Variants in VTI1A observed in about 807,000 individuals in gnomAD.
VTI1A encodes vesicle transport through interaction with t-SNAREs 1A.
VTI1A carries 22 observed loss-of-function variants against 34.9 expected under a neutral mutation model. That is an observed-to-expected ratio of 0.63 (90% CI 0.45 to 0.90). VTI1A has a LOEUF of 0.90. Among genes scored for constraint, VTI1A ranks in the 40% least tolerant of loss-of-function variants. The pLI, the probability that VTI1A is intolerant of heterozygous loss-of-function variation, is 0.00. For missense variants in VTI1A, 268 were observed against 275.6 expected, an observed-to-expected ratio of 0.97 and a Z score of 0.20; for synonymous variants, 87 against 97.3, an observed-to-expected ratio of 0.89 and a Z score of 0.62.
At chr10:112,492,224 A>G (rs1301466506) in intron 3 of VTI1A, among the ~76,000 whole-genome samples, 4 of 152,194 alleles carry the variant, frequency 2.6e-5, no homozygotes, top group Non-Finnish European at 5.9e-5. Context: ...TCTTTAGATC[A>G]GTCCCAAAAT....
intron 5 of VTI1A, among the ~76,000 whole-genome samples, chr10:112,647,899 A>G (rs1038281559): frequency 6.6e-6 from 1 of 152,044 alleles, no homozygotes; most frequent in African/African-American, 2.4e-5. Context: ...CCTCCTAAGT[A>G]GCTGGGACTA....
chr10:112,586,988 T>C (rs1398054573), intron 5 of VTI1A, among the ~76,000 whole-genome samples: 2 of 152,202 alleles, frequency 1.3e-5, no homozygotes, highest in Non-Finnish European at 2.9e-5. Flanking sequence ...TATTCATTTA[T>C]ATATGTAAGT....
chr10:112,496,704 G>A (rs73363096), intron 3 of VTI1A, among the ~76,000 whole-genome samples: 254 of 152,300 alleles, frequency 1.7e-3, no homozygotes, highest in African/African-American at 6.0e-3. Flanking sequence ...TAATGTAGAT[G>A]GTGACAATGG....
At position 112,447,228 on chromosome 10, in the gene VTI1A, G is replaced by A. The variant is rs1273707984; in HGVS notation, c.-146G>A. The A allele has an allele frequency of 2.8e-6, 2 of 721,678 alleles. No homozygotes were observed. Among genetic ancestry groups the A allele is most frequent in the Non-Finnish European group, 4.3e-6 (2 of 463,980 alleles). The allele number at this position is 721,678 out of a possible 1,614,324, so 44.7% of individuals were successfully genotyped here. A position where few individuals can be genotyped will look rare whatever the true frequency, so the allele number is the denominator to read the frequency against. On this transcript the variant is annotated 5_prime_UTR_variant, in exon 1 of 8. Coordinates refer to ENST00000393077, the MANE Select transcript of VTI1A (RefSeq NM_145206.4). The stretch of plus-strand genomic sequence containing the variant: ...CGAGATTGCGACGAACAACCAGGAA[G>A]CGGCTGGGTTGAGAGCTGTCCCCGG...
At chr10:112,787,018 A>G (rs1385380281) in intron 7 of VTI1A, among the ~76,000 whole-genome samples, 1 of 152,214 alleles carries the variant, frequency 6.6e-6, no homozygotes, top group Non-Finnish European at 1.5e-5. Context: ...TTCATTATTT[A>G]AGCCATCTGG....
chr10:112,708,538 G>C (rs933350697), intron 7 of VTI1A, among the ~76,000 whole-genome samples: 14 of 152,206 alleles, frequency 9.2e-5, no homozygotes, highest in Non-Finnish European at 2.1e-4. Context: ...TACTGTGCCA[G>C]CTACATATTT....
intron 5 of VTI1A, among the ~76,000 whole-genome samples, chr10:112,545,834 C>T (rs922242782): frequency 2.6e-5 from 4 of 151,744 alleles, no homozygotes; most frequent in South Asian, 2.1e-4. Context: ...TGTGTGCGCA[C>T]GCGTGCGCGT....
At chr10:112,491,325 C>G (rs73363090) in intron 3 of VTI1A, among the ~76,000 whole-genome samples, 2,278 of 152,332 alleles carry the variant, frequency 0.015, 40 homozygotes, top group African/African-American at 0.052. Flanking sequence ...GGGGACCTGA[C>G]TAATCTCAGT....
At chr10:112,688,338 C>T (rs188079558) in intron 7 of VTI1A, among the ~76,000 whole-genome samples, 4 of 151,984 alleles carry the variant, frequency 2.6e-5, no homozygotes, top group Admixed American at 2.6e-4. Flanking sequence ...GAAAAAAAAT[C>T]ACTCCTAACA....
At chr10:112,482,223 T>G (rs995302245) in intron 3 of VTI1A, among the ~76,000 whole-genome samples, 3 of 152,182 alleles carry the variant, frequency 2.0e-5, no homozygotes, top group Non-Finnish European at 4.4e-5. Context: ...TGAAAGAGTT[T>G]TGGTTCATAA....
At chr10:112,753,167 C>T (rs1261496484) in intron 7 of VTI1A, among the ~76,000 whole-genome samples, 4 of 151,844 alleles carry the variant, frequency 2.6e-5, no homozygotes, top group African/African-American at 7.2e-5. Context: ...TACAGATTTG[C>T]GATGTTATCA....
intron 7 of VTI1A, among the ~76,000 whole-genome samples, chr10:112,783,099 C>T (rs144356376): frequency 1.0e-3 from 156 of 152,052 alleles, no homozygotes; most frequent in African/African-American, 3.4e-3. Context: ...GATTCTGAAG[C>T]CATAATTAAG....
the VTI1A span, among the ~76,000 whole-genome samples, chr10:112,849,694 A>G: frequency 1.3e-5 from 2 of 152,230 alleles, no homozygotes; most frequent in East Asian, 1.9e-4. Context: ...TGGGTGAACT[A>G]TATTTGACTG....
In VTI1A at chr10:112,564,789, A is replaced by G. The variant is rs903325164; in HGVS notation, c.427+26459A>G. 2.0e-5 allele frequency among the ~76,000 whole-genome samples: 3 copies of G among 152,146 alleles called. No individual in the cohort carries two copies. In the East Asian group the frequency reaches 5.8e-4, roughly 29 times the overall value. ...ATAACAATAAAGTTGACTGTGTACA[A>G]TGGAATGCTGGCTTTCATTGCAGAT... On this transcript the variant is annotated intron_variant, in intron 5 of 7. Transcript: ENST00000393077.
chr10:112,681,688 C>T (rs1848222650), intron 7 of VTI1A, among the ~76,000 whole-genome samples: 1 of 152,104 alleles, frequency 6.6e-6, no homozygotes. Flanking sequence ...AATTTTCACA[C>T]ACTTGACTAA....
the VTI1A span, among the ~76,000 whole-genome samples, chr10:112,843,593 G>C: frequency 1.3e-5 from 2 of 152,190 alleles, no homozygotes; most frequent in Non-Finnish European, 2.9e-5. Flanking sequence ...CATATACGTT[G>C]TAACCATCTA....
chr10:112,608,153 GT>G (rs1845159932), intron 5 of VTI1A, among the ~76,000 whole-genome samples: 1 of 152,148 alleles, frequency 6.6e-6, no homozygotes, highest in African/African-American at 2.4e-5. Context: ...AGACACTCAC[GT>G]TACAGCTTCC....
intron 5 of VTI1A, among the ~76,000 whole-genome samples, chr10:112,546,001 CGCGT>C (rs1340076741): frequency 0.053 from 7,387 of 140,038 alleles, 728 homozygotes; most frequent in African/African-American, 0.14. Flanking sequence ...TACGTGTATA[CGCGT>C]ATGTGTGTGT....
At chr10:112,531,951 TG>T (rs1850461166) in intron 4 of VTI1A, among the ~76,000 whole-genome samples, 1 of 152,196 alleles carries the variant, frequency 6.6e-6, no homozygotes, top group Admixed American at 6.5e-5. Context: ...ATGATTTACT[TG>T]TATGTAACTG....
Sources: gnomAD v4.1 joint callset for allele counts (sites outside exome capture counted in the v4.1 genomes callset) on GRCh38, gnomAD v4.1.1 for gene constraint, MANE v1.5 for transcripts, NCBI Gene and HGNC (gene_info 2026-07-23, HGNC 2026-07-21) for gene names.